Variants in UBE2E2 observed in about 807,000 individuals in gnomAD.
The protein encoded by UBE2E2 is ubiquitin-conjugating enzyme E2 E2.
A neutral mutation model predicts 24.7 loss-of-function variants in UBE2E2; 6 were observed. The ratio of observed to expected loss-of-function variants is 0.24; its 90% CI spans 0.13 to 0.48. UBE2E2 has a LOEUF of 0.48. Among genes scored for constraint, UBE2E2 ranks in the 20% least tolerant of loss-of-function variants. The probability of loss-of-function intolerance (pLI) is 0.99; values close to 1 mark genes in which losing one functional copy is unlikely to be tolerated. For missense variants in UBE2E2, 169 were observed against 245.0 expected, an observed-to-expected ratio of 0.69 and a Z score of 2.07; for synonymous variants, 104 against 83.6, an observed-to-expected ratio of 1.24 and a Z score of -1.33.
At chr3:23,351,444 T>C (rs1695744920) in intron 3 of UBE2E2, among the ~76,000 whole-genome samples, 1 of 152,110 alleles carries the variant, frequency 6.6e-6, no homozygotes, top group Non-Finnish European at 1.5e-5. Flanking sequence ...ACTGGCAAAT[T>C]GGATAAAGAG....
chr3:23,393,198 T>G (rs901958384), intron 3 of UBE2E2, among the ~76,000 whole-genome samples: 3 of 152,128 alleles, frequency 2.0e-5, no homozygotes, highest in Non-Finnish European at 2.9e-5. Flanking sequence ...AGTGGATAAA[T>G]CAAATTATAT....
At chr3:23,356,075 A>T in intron 3 of UBE2E2, among the ~76,000 whole-genome samples, 1 of 152,342 alleles carries the variant, frequency 6.6e-6, no homozygotes, top group East Asian at 1.9e-4. Context: ...GAAAAAGAAG[A>T]GGATGCACTG....
rs529095633 is a variant in UBE2E2, at chr3:23,449,942, C to T, written c.228-49666C>T. 4.1e-6 allele frequency: 4 copies of T among 985,348 alleles called. No homozygotes were observed. In the East Asian group the frequency reaches 3.4e-4, roughly 84 times the overall value. The allele number at this position is 985,348 out of a possible 1,614,324, so 61.0% of individuals were successfully genotyped here. A position where few individuals can be genotyped will look rare whatever the true frequency, so the allele number is the denominator to read the frequency against. On this transcript the variant is annotated intron_variant, in intron 3 of 5. Transcript: ENST00000396703. ...CTCCCCCTAGTGAGGAAATGTACCC[C>T]TGAAGAGGCATCCTCCTGGCCACTG...
intron 3 of UBE2E2, among the ~76,000 whole-genome samples, chr3:23,263,231 A>G (rs1416606772): frequency 6.6e-6 from 1 of 152,224 alleles, no homozygotes; most frequent in Non-Finnish European, 1.5e-5. Flanking sequence ...GTAAGCAAAG[A>G]ACCATAGGTT....
intron 3 of UBE2E2, among the ~76,000 whole-genome samples, chr3:23,423,084 T>A (rs1307545078): frequency 2.0e-5 from 3 of 152,234 alleles, no homozygotes; most frequent in Non-Finnish European, 4.4e-5. Context: ...AGATGTCCTT[T>A]GCATGTTAGG....
intron 3 of UBE2E2, among the ~76,000 whole-genome samples, chr3:23,241,699 A>C (rs1454067940): frequency 1.3e-5 from 2 of 151,846 alleles, no homozygotes; most frequent in Non-Finnish European, 2.9e-5. Context: ...TACTTCTATC[A>C]GTTTCTTATG....
At chr3:23,388,589 C>T (rs535912392) in intron 3 of UBE2E2, among the ~76,000 whole-genome samples, 94 of 152,282 alleles carry the variant, frequency 6.2e-4, no homozygotes, top group African/African-American at 2.2e-3. Context: ...TGTTAATACT[C>T]TAATGCTAAT....
chr3:23,483,778 T>C (rs1699304837), intron 3 of UBE2E2, among the ~76,000 whole-genome samples: 1 of 152,234 alleles, frequency 6.6e-6, no homozygotes, highest in Non-Finnish European at 1.5e-5. Context: ...TAGATTCTGA[T>C]TCATCTGGTC....
At chr3:23,464,176 AC>A (rs1264386789) in intron 3 of UBE2E2, among the ~76,000 whole-genome samples, 1 of 152,098 alleles carries the variant, frequency 6.6e-6, no homozygotes, top group African/African-American at 2.4e-5. Flanking sequence ...CCAAAACCTG[AC>A]CCCCGAAATC....
chr3:23,574,834 C>T (rs1212555410), intron 5 of UBE2E2, among the ~76,000 whole-genome samples: 1 of 152,176 alleles, frequency 6.6e-6, no homozygotes, highest in East Asian at 1.9e-4. Context: ...CACACAGTCA[C>T]CAGATGTGCT....
intron 3 of UBE2E2, among the ~76,000 whole-genome samples, chr3:23,310,055 C>A (rs949013309): frequency 6.6e-6 from 1 of 152,100 alleles, no homozygotes. Flanking sequence ...AAGACGGGCC[C>A]ATGTTCAACA....
chr3:23,567,140 C>G (rs1420073293), intron 5 of UBE2E2, among the ~76,000 whole-genome samples: 1 of 152,180 alleles, frequency 6.6e-6, no homozygotes, highest in East Asian at 1.9e-4. Context: ...AGCCATTCCC[C>G]CTTTTCTGCC....
At chr3:23,210,966 C>G (rs1365419922) in intron 2 of UBE2E2, among the ~76,000 whole-genome samples, 3 of 152,160 alleles carry the variant, frequency 2.0e-5, no homozygotes, top group South Asian at 2.1e-4. Context: ...TTTCCCCTCT[C>G]TCTTCCTCCA....
In UBE2E2 at chr3:23,462,675, G is replaced by A. The variant is rs561942301; in HGVS notation, c.228-36933G>A. ...GAAGAAAGGACCAGACCAATTCTAC[G>A]TCAGATTTCAATGTGAAAAAAAATA... On this transcript the variant is annotated intron_variant, in intron 3 of 5. Transcript: ENST00000396703. 1.2e-4 allele frequency among the ~76,000 whole-genome samples: 19 copies of A among 152,168 alleles called. No individual in the cohort carries two copies. The East Asian group carries it at 1.3e-3, about 11-fold the overall frequency.
intron 3 of UBE2E2, among the ~76,000 whole-genome samples, chr3:23,228,891 G>A (rs1391115442): frequency 2.0e-5 from 3 of 152,146 alleles, no homozygotes. Flanking sequence ...TCGCCTATTT[G>A]GAAGATGAGG....
intron 3 of UBE2E2, chr3:23,323,521 C>T (rs1184562540): frequency 4.5e-6 from 2 of 447,100 alleles, no homozygotes; most frequent in Non-Finnish European, 8.9e-6. Context: ...TCAGCACCAA[C>T]ATAACACTGA....
intron 3 of UBE2E2, among the ~76,000 whole-genome samples, chr3:23,478,896 A>ATAT (rs1192241310): frequency 5.3e-4 from 64 of 120,534 alleles, no homozygotes; most frequent in African/African-American, 1.5e-3. Context: ...ATATATATAT[A>ATAT]TTTTTTTTTT....
intron 2 of UBE2E2, among the ~76,000 whole-genome samples, chr3:23,211,407 C>CT (rs3086984): frequency 0.044 from 5,800 of 131,778 alleles, 201 homozygotes; most frequent in East Asian, 0.13. Flanking sequence ...GCTCTGTGGT[C>CT]TTTTTTTTTT....
chr3:23,357,425 A>T, intron 3 of UBE2E2, among the ~76,000 whole-genome samples: 1 of 152,098 alleles, frequency 6.6e-6, no homozygotes, highest in East Asian at 1.9e-4. Flanking sequence ...GTGTATATGT[A>T]TATCTGCATA....
Sources: gnomAD v4.1 joint callset for allele counts (sites outside exome capture counted in the v4.1 genomes callset) on GRCh38, gnomAD v4.1.1 for gene constraint, MANE v1.5 for transcripts, NCBI Gene and HGNC (gene_info 2026-07-23, HGNC 2026-07-21) for gene names.